Variants in CCND3 observed in about 807,000 individuals in gnomAD.
CCND3 encodes G1/S-specific cyclin-D3.
CCND3 carries 9 observed loss-of-function variants against 28.7 expected under a neutral mutation model. The observed-to-expected ratio is 0.31, with a 90% CI of 0.19 to 0.55. The LOEUF (loss-of-function observed/expected upper bound fraction) is 0.55, where lower values mean the gene tolerates loss of function less well. Ranked by LOEUF, CCND3 falls within the 20% of genes least tolerant of loss-of-function variation. CCND3 has a pLI of 0.93. For missense variants in CCND3, 315 were observed against 385.8 expected (o/e 0.82, Z 1.54); for synonymous variants, 164 against 163.9 (o/e 1.00, Z 0.00).
intron 1 of CCND3, among the ~76,000 whole-genome samples, chr6:42,004,412 AC>A (rs1304942643): frequency 1.3e-5 from 2 of 152,104 alleles, no homozygotes; most frequent in African/African-American, 4.8e-5. Context: ...GAAAGAAAAA[AC>A]CTAAATAGTC....
At chr6:41,969,552 A>G (rs1373410771) in intron 1 of CCND3, among the ~76,000 whole-genome samples, 13 of 152,042 alleles carry the variant, frequency 8.6e-5, no homozygotes, top group Admixed American at 7.9e-4. Flanking sequence ...CCTGGCCAAC[A>G]CGGTGAAACC....
At chr6:41,949,387 C>T (rs1359525010) in intron 1 of CCND3, among the ~76,000 whole-genome samples, 1 of 152,116 alleles carries the variant, frequency 6.6e-6, no homozygotes, top group Non-Finnish European at 1.5e-5. Context: ...CGCCTGTAAT[C>T]CCAGCTACTC....
intron 1 of CCND3, among the ~76,000 whole-genome samples, chr6:41,949,659 C>T (rs891420727): frequency 1.3e-5 from 2 of 151,970 alleles, no homozygotes; most frequent in African/African-American, 2.4e-5. Context: ...GTAACAAAAC[C>T]GTGCAAGCCA....
At chr6:41,995,347 TC>T (rs920328179) in intron 1 of CCND3, among the ~76,000 whole-genome samples, 2 of 152,002 alleles carry the variant, frequency 1.3e-5, no homozygotes, top group African/African-American at 4.8e-5. Context: ...CACCTCCACC[TC>T]CAGGGTTCAA....
At chr6:41,976,541 A>C (rs1762193744) in intron 1 of CCND3, among the ~76,000 whole-genome samples, 1 of 151,914 alleles carries the variant, frequency 6.6e-6, no homozygotes, top group Admixed American at 6.6e-5. Context: ...TAGTCTCAGA[A>C]ACTTGGGGAC....
At chr6:41,977,641 A>G (rs1192708061) in intron 1 of CCND3, among the ~76,000 whole-genome samples, 2 of 152,154 alleles carry the variant, frequency 1.3e-5, no homozygotes, top group Non-Finnish European at 2.9e-5. Context: ...TGTTAGGATT[A>G]CAGGCGCGAA....
chr6:42,016,593 C>CT (rs377188844), intron 1 of CCND3, among the ~76,000 whole-genome samples: 25,383 of 138,462 alleles, frequency 0.18, 3,271 homozygotes, highest in East Asian at 0.35. Flanking sequence ...CTATCTATTA[C>CT]TTTTTTTTTT....
At chr6:42,045,352 G>A (rs896638537) in intron 1 of CCND3, among the ~76,000 whole-genome samples, 25 of 152,186 alleles carry the variant, frequency 1.6e-4, no homozygotes, top group African/African-American at 5.8e-4. Flanking sequence ...CTTTGAGCAA[G>A]TTTGCCTTTC....
chr6:41,985,559 C>A (rs1464489555), intron 1 of CCND3, among the ~76,000 whole-genome samples: 1 of 151,284 alleles, frequency 6.6e-6, no homozygotes, highest in Admixed American at 6.6e-5. Context: ...AGGTAATCCA[C>A]CCGCCTCGGC....
intron 1 of CCND3, among the ~76,000 whole-genome samples, chr6:41,949,127 T>C (rs182701873): frequency 6.6e-6 from 1 of 152,004 alleles, no homozygotes; most frequent in Non-Finnish European, 1.5e-5. Flanking sequence ...GTTGGGAGGA[T>C]CACTGAGGCC....
intron 1 of CCND3, among the ~76,000 whole-genome samples, chr6:42,022,497 G>A (rs745780202): frequency 6.6e-6 from 1 of 152,188 alleles, no homozygotes; most frequent in Non-Finnish European, 1.5e-5. Context: ...GGTTTTTAAC[G>A]GTGTGCAGCG....
At chr6:42,014,911 T>C (rs1373283337) in intron 1 of CCND3, among the ~76,000 whole-genome samples, 1 of 152,234 alleles carries the variant, frequency 6.6e-6, no homozygotes, top group African/African-American at 2.4e-5. Flanking sequence ...ATCCTTGTTA[T>C]TATACCATCA....
At position 41,961,826 on chromosome 6, in the gene CCND3, C is replaced by A. The variant is rs143379285; in HGVS notation, c.-45-21241G>T. On this transcript the variant is annotated intron_variant, in intron 1 of 4. Transcript: ENST00000372988. ...CAAGATGCTCAAATCCTGTCCCTGT[C>A]CCTTCTCTTGTGTATTGTGTGTCAG... Among the ~76,000 whole-genome samples the A allele has an allele frequency of 1.3e-3, 202 of 152,310 alleles. 1 individual carries two copies. The highest frequency in any genetic ancestry group is 4.8e-3 in the African/African-American group (198 of 41,582).
intron 1 of CCND3, among the ~76,000 whole-genome samples, chr6:41,948,449 C>T (rs944918433): frequency 3.3e-5 from 5 of 152,048 alleles, no homozygotes; most frequent in African/African-American, 9.7e-5. Flanking sequence ...GGTCTTCCCA[C>T]CTCAGCTTCC....
intron 1 of CCND3, among the ~76,000 whole-genome samples, chr6:42,034,164 T>TG (rs1764127499): frequency 6.7e-6 from 1 of 150,340 alleles, no homozygotes; most frequent in African/African-American, 2.5e-5. Context: ...TTTTTTTTTT[T>TG]GAGATGGAGC....
At chr6:42,027,071 G>T (rs1763896158) in intron 1 of CCND3, among the ~76,000 whole-genome samples, 1 of 152,188 alleles carries the variant, frequency 6.6e-6, no homozygotes, top group African/African-American at 2.4e-5. Context: ...AAGGGGCCTT[G>T]TCCTCATCCA....
At chr6:41,996,474 T>A (rs1350070936) in intron 1 of CCND3, among the ~76,000 whole-genome samples, 1 of 151,642 alleles carries the variant, frequency 6.6e-6, no homozygotes, top group East Asian at 1.9e-4. Context: ...TTTGTAAAAA[T>A]CTTCCTCATA....
chr6:42,045,954 AG>A (rs1764529448), intron 1 of CCND3, among the ~76,000 whole-genome samples: 2 of 152,204 alleles, frequency 1.3e-5, no homozygotes, highest in Non-Finnish European at 2.9e-5. Flanking sequence ...CGAGTGAGGG[AG>A]GAAGGTGCGT....
At chr6:41,956,932 G>A (rs994277217) in intron 1 of CCND3, among the ~76,000 whole-genome samples, 1 of 152,176 alleles carries the variant, frequency 6.6e-6, no homozygotes, top group Non-Finnish European at 1.5e-5. Flanking sequence ...TGGGGAGGCT[G>A]AGGCAGGAGA....
Sources: allele counts gnomAD v4.1 joint callset (sites outside exome capture counted in the v4.1 genomes callset), GRCh38; gene constraint gnomAD v4.1.1; transcripts MANE v1.5; gene names NCBI Gene and HGNC (gene_info 2026-07-23, HGNC 2026-07-21).